CNTNAP2: variants seen among roughly 807,000 people sequenced by gnomAD.
CNTNAP2 encodes contactin associated protein 2, also known as contactin-associated protein-like 2.
In CNTNAP2, 98 loss-of-function variants were observed where a neutral mutation model predicts 155.2. The ratio of observed to expected loss-of-function variants is 0.63; its 90% CI spans 0.54 to 0.75. The LOEUF is 0.75. Ranked by LOEUF, CNTNAP2 falls within the 30% of genes least tolerant of loss-of-function variation. The pLI, the probability that CNTNAP2 is intolerant of heterozygous loss-of-function variation, is 0.00. For missense variants in CNTNAP2, 1,727 were observed against 1,688.1 expected (o/e 1.02, Z -0.40); for synonymous variants, 651 against 631.2 (o/e 1.03, Z -0.47).
intron 21 of CNTNAP2, among the ~76,000 whole-genome samples, chr7:148,355,963 A>T (rs7784824): frequency 0.38 from 57,576 of 152,054 alleles, 11,685 homozygotes; most frequent in East Asian, 0.64. Context: ...CAGGACAAGT[A>T]TCCTAACAGA....
Position 146,661,732 on chromosome 7 carries a change from C to CTTTTT in CNTNAP2, c.98-112531_98-112527dup, listed in dbSNP as rs34652048. 1.6e-3 allele frequency among the ~76,000 whole-genome samples: 230 copies of CTTTTT among 145,066 alleles called. 1 individual carries two copies. The highest frequency in any genetic ancestry group is 5.7e-3 in the African/African-American group (224 of 39,446). ...TTTCTTTTTCTTTCTTTCTTTCTTT[C>CTTTTT]TTTTTTTTTTTTAAATAAAGCTGCA... On this transcript the variant is annotated intron_variant, in intron 1 of 23. Coordinates refer to ENST00000361727, the MANE Select transcript of CNTNAP2 (RefSeq NM_014141.6).
At chr7:147,207,027 G>C (rs1563116110) in intron 8 of CNTNAP2, among the ~76,000 whole-genome samples, 1 of 152,144 alleles carries the variant, frequency 6.6e-6, no homozygotes, top group Non-Finnish European at 1.5e-5. Context: ...CACCAAGGAA[G>C]TGAGTTAATA....
intron 21 of CNTNAP2, among the ~76,000 whole-genome samples, chr7:148,296,446 C>T (rs537087246): frequency 1.9e-3 from 277 of 145,748 alleles, no homozygotes; most frequent in Middle Eastern, 7.5e-3. Flanking sequence ...ACTCGGGAGG[C>T]TGAGGCATGA....
chr7:147,025,706 A>C lies in CNTNAP2; in HGVS notation c.403-18201A>C, dbSNP rs1387394251. Among the ~76,000 whole-genome samples, 6 of 152,134 alleles carry C rather than the reference A, an allele frequency of 3.9e-5. 1 individual carries two copies. Among genetic ancestry groups the C allele is most frequent in the Admixed American group, 3.9e-4 (6 of 15,282 alleles). On this transcript the variant is annotated intron_variant, in intron 3 of 23. Coordinates refer to ENST00000361727, the MANE Select transcript of CNTNAP2 (RefSeq NM_014141.6). Reference sequence around the variant, plus strand: ...TAAAATTATTTCAAATTAAAAAATAAAGGCAAAACCCATCAAACTTACAGA... The same window carrying C: ...TAAAATTATTTCAAATTAAAAAATACAGGCAAAACCCATCAAACTTACAGA...
At chr7:147,836,851 AT>A (rs1187944313) in intron 13 of CNTNAP2, among the ~76,000 whole-genome samples, 4 of 152,214 alleles carry the variant, frequency 2.6e-5, no homozygotes, top group Non-Finnish European at 5.9e-5. Context: ...TAAAATTGAA[AT>A]TGTAGAAAAA....
chr7:147,852,405 G>T (rs896183577), intron 13 of CNTNAP2, among the ~76,000 whole-genome samples: 1 of 152,134 alleles, frequency 6.6e-6, no homozygotes, highest in African/African-American at 2.4e-5. Flanking sequence ...ATCTACGAGT[G>T]ACTTAGCAAC....
chr7:147,356,281 T>C (rs1796060526), intron 9 of CNTNAP2, among the ~76,000 whole-genome samples: 1 of 152,156 alleles, frequency 6.6e-6, no homozygotes. Flanking sequence ...TGATGGAAGG[T>C]ATCTCAAAAT....
chr7:147,723,144 T>C (rs1563065597), intron 13 of CNTNAP2, among the ~76,000 whole-genome samples: 1 of 151,906 alleles, frequency 6.6e-6, no homozygotes, highest in African/African-American at 2.4e-5. Context: ...CTGCTACTGA[T>C]AAAGTTCTCT....
chr7:147,964,259 C>A (rs1371053231), intron 14 of CNTNAP2, among the ~76,000 whole-genome samples: 1 of 152,106 alleles, frequency 6.6e-6, no homozygotes. Flanking sequence ...GGACTTCAAG[C>A]TTTCAAAACT....
At chr7:147,974,611 GC>G (rs1410217979) in intron 14 of CNTNAP2, among the ~76,000 whole-genome samples, 1 of 152,014 alleles carries the variant, frequency 6.6e-6, no homozygotes, top group Non-Finnish European at 1.5e-5. Flanking sequence ...GGCAACAAGA[GC>G]AAAACTCCAT....
chr7:148,131,918 A>G (rs1804839288), intron 16 of CNTNAP2, among the ~76,000 whole-genome samples: 1 of 152,208 alleles, frequency 6.6e-6, no homozygotes, highest in South Asian at 2.1e-4. Flanking sequence ...GGACTGGGAT[A>G]GATTACTTGA....
At chr7:147,549,720 T>A (rs1399211558) in intron 11 of CNTNAP2, among the ~76,000 whole-genome samples, 1 of 152,170 alleles carries the variant, frequency 6.6e-6, no homozygotes, top group Admixed American at 6.5e-5. Context: ...GTATAAGGGA[T>A]GAGTCAAGGG....
intron 1 of CNTNAP2, among the ~76,000 whole-genome samples, chr7:146,371,925 C>G (rs1795242530): frequency 6.7e-6 from 1 of 149,542 alleles, no homozygotes; most frequent in African/African-American, 2.5e-5. Context: ...CGCCACTGCA[C>G]TCCAGCCTGG....
intron 1 of CNTNAP2, among the ~76,000 whole-genome samples, chr7:146,437,532 AT>A (rs1180940777): frequency 6.6e-6 from 1 of 151,512 alleles, no homozygotes. Flanking sequence ...CAAAAATATT[AT>A]GGTTGAATTG....
intron 21 of CNTNAP2, among the ~76,000 whole-genome samples, chr7:148,356,909 A>G (rs1585302451): frequency 7.1e-6 from 1 of 140,626 alleles, no homozygotes; most frequent in East Asian, 2.0e-4. Context: ...ACAAAAAAAC[A>G]AAAAAAAAAA....
chr7:147,175,191 G>T lies in CNTNAP2; in HGVS notation c.1348+42682G>T, dbSNP rs141368554. Among the ~76,000 whole-genome samples, 350 of 152,004 alleles carry T rather than the reference G, an allele frequency of 2.3e-3. 7 individuals carry two copies. Among genetic ancestry groups the T allele is most frequent in the African/African-American group, 7.5e-3 (313 of 41,488 alleles). On this transcript the variant is annotated intron_variant, in intron 8 of 23. Transcript: ENST00000361727. ...GATACATTTGTCTTAAATCACCCAG[G>T]ATTAAATCTTCCAAGATTAAGGATT...
At chr7:147,670,784 T>C (rs941653109) in intron 13 of CNTNAP2, among the ~76,000 whole-genome samples, 2 of 152,208 alleles carry the variant, frequency 1.3e-5, no homozygotes, top group African/African-American at 4.8e-5. Flanking sequence ...TCTCCTGAAT[T>C]CCAGGCAAGA....
At chr7:147,183,978 A>T (rs1170320291) in intron 8 of CNTNAP2, among the ~76,000 whole-genome samples, 1 of 152,210 alleles carries the variant, frequency 6.6e-6, no homozygotes, top group Non-Finnish European at 1.5e-5. Flanking sequence ...ATACATTAAG[A>T]AGAATTTGTA....
chr7:147,051,801 C>G (rs566443668), intron 4 of CNTNAP2, among the ~76,000 whole-genome samples: 2 of 152,160 alleles, frequency 1.3e-5, no homozygotes, highest in African/African-American at 4.8e-5. Context: ...ATTTTAAAGG[C>G]ATTTTGCTAA....
Sources: gnomAD v4.1 joint callset for allele counts (sites outside exome capture counted in the v4.1 genomes callset) on GRCh38, gnomAD v4.1.1 for gene constraint, MANE v1.5 for transcripts, NCBI Gene and HGNC (gene_info 2026-07-23, HGNC 2026-07-21) for gene names.